Variants in ST8SIA2 observed in about 807,000 individuals in gnomAD.
The protein encoded by ST8SIA2 is ST8 alpha-N-acetyl-neuraminide alpha-2,8-sialyltransferase 2.
Under a neutral mutation model 37.6 loss-of-function variants are expected in ST8SIA2, and 22 were observed. The ratio of observed to expected loss-of-function variants is 0.58; its 90% CI spans 0.42 to 0.83. ST8SIA2 has a LOEUF of 0.83. Among genes scored for constraint, ST8SIA2 ranks in the 40% least tolerant of loss-of-function variants. The pLI is 0.00. For missense variants in ST8SIA2, 382 were observed against 484.7 expected, an observed-to-expected ratio of 0.79 and a Z score of 1.99; for synonymous variants, 205 against 201.2, an observed-to-expected ratio of 1.02 and a Z score of -0.16.
chr15:92,442,089 C>G (rs796203525), intron 4 of ST8SIA2, among the ~76,000 whole-genome samples: 1 of 152,224 alleles, frequency 6.6e-6, no homozygotes, highest in East Asian at 1.9e-4. Flanking sequence ...CCCTTCCTAA[C>G]GCCTCCTTCT....
intron 1 of ST8SIA2, among the ~76,000 whole-genome samples, chr15:92,411,595 TA>T (rs1424225128): frequency 1.3e-5 from 2 of 152,128 alleles, no homozygotes; most frequent in Non-Finnish European, 2.9e-5. Context: ...GAAGACAATT[TA>T]AAAATTATTA....
intron 5 of ST8SIA2, among the ~76,000 whole-genome samples, chr15:92,450,244 A>G (rs1012924217): frequency 6.6e-6 from 1 of 152,236 alleles, no homozygotes; most frequent in African/African-American, 2.4e-5. Flanking sequence ...CTTACAGCTC[A>G]ACAACAAAAA....
chr15:92,417,870 G>A (rs1251703712), intron 1 of ST8SIA2, among the ~76,000 whole-genome samples: 2 of 152,122 alleles, frequency 1.3e-5, no homozygotes, highest in East Asian at 1.9e-4. Context: ...TAATGTGAGC[G>A]GAGAGTCTAG....
intron 2 of ST8SIA2, among the ~76,000 whole-genome samples, chr15:92,431,267 T>C (rs1050880902): frequency 1.3e-5 from 2 of 152,144 alleles, no homozygotes; most frequent in Admixed American, 6.5e-5. Context: ...GAATCAAGTA[T>C]GAGAAGTGGA....
intron 1 of ST8SIA2, among the ~76,000 whole-genome samples, chr15:92,404,884 A>T (rs2049496690): frequency 6.6e-6 from 1 of 151,856 alleles, no homozygotes; most frequent in African/African-American, 2.4e-5. Context: ...ATATTTGTAC[A>T]CCCATGTTCA....
intron 2 of ST8SIA2, among the ~76,000 whole-genome samples, chr15:92,431,775 G>C (rs75902835): frequency 0.013 from 1,976 of 152,264 alleles, 32 homozygotes; most frequent in South Asian, 0.024. Flanking sequence ...CAGATAAGAA[G>C]GCAGAGTCTA....
chr15:92,427,479 G>A (rs895149363), intron 1 of ST8SIA2, among the ~76,000 whole-genome samples: 1 of 152,040 alleles, frequency 6.6e-6, no homozygotes, highest in Non-Finnish European at 1.5e-5. Context: ...CTGGGTTTGG[G>A]TTTGTTGAGG....
At chr15:92,440,599 C>T (rs966001688) in intron 4 of ST8SIA2, among the ~76,000 whole-genome samples, 3 of 152,178 alleles carry the variant, frequency 2.0e-5, no homozygotes, top group African/African-American at 7.2e-5. Context: ...GAAACTCCCA[C>T]GTGTCTCTGG....
chr15:92,407,669 G>T (rs1388894684), intron 1 of ST8SIA2, among the ~76,000 whole-genome samples: 1 of 152,170 alleles, frequency 6.6e-6, no homozygotes, highest in Non-Finnish European at 1.5e-5. Context: ...GAGAGGGAAG[G>T]CCTCTAGGGG....
At position 92,445,797 on chromosome 15, in the gene ST8SIA2, C is replaced by T. The variant is rs888016261; in HGVS notation, c.842+868C>T. Among the ~76,000 whole-genome samples the T allele has an allele frequency of 9.9e-5, 15 of 152,096 alleles. No individual in the cohort carries two copies. In the East Asian group the frequency reaches 2.9e-3, roughly 29 times the overall value. ...ATGTTGAGGAGGGTCTGAACTATTCCTATCAAGAAGTCCATGTCAACCTGG... is the reference window on the plus strand; with the variant it reads ...ATGTTGAGGAGGGTCTGAACTATTCTTATCAAGAAGTCCATGTCAACCTGG... On this transcript the variant is annotated intron_variant, in intron 5 of 5. Coordinates refer to ENST00000268164, the MANE Select transcript of ST8SIA2 (RefSeq NM_006011.4).
chr15:92,440,925 T>G (rs2049796998), intron 4 of ST8SIA2, among the ~76,000 whole-genome samples: 1 of 152,176 alleles, frequency 6.6e-6, no homozygotes, highest in Non-Finnish European at 1.5e-5. Context: ...ATGGACTCTG[T>G]CTCCACTCCA....
chr15:92,406,483 C>A (rs916953638), intron 1 of ST8SIA2, among the ~76,000 whole-genome samples: 1 of 152,198 alleles, frequency 6.6e-6, no homozygotes, highest in Non-Finnish European at 1.5e-5. Flanking sequence ...CTCCTCCAAA[C>A]CCTAGACCTG....
intron 5 of ST8SIA2, among the ~76,000 whole-genome samples, chr15:92,460,809 T>TG (rs2049952010): frequency 6.6e-6 from 1 of 152,194 alleles, no homozygotes; most frequent in South Asian, 2.1e-4. Flanking sequence ...AACAAGGACT[T>TG]GGGGTCAGAA....
intron 4 of ST8SIA2, among the ~76,000 whole-genome samples, chr15:92,443,656 C>T (rs1242514863): frequency 2.6e-5 from 4 of 152,108 alleles, no homozygotes; most frequent in Non-Finnish European, 4.4e-5. Context: ...CTTGCCTCCC[C>T]AAGCCCATCT....
intron 2 of ST8SIA2, among the ~76,000 whole-genome samples, chr15:92,433,530 G>C (rs1215543729): frequency 6.6e-6 from 1 of 152,198 alleles, no homozygotes; most frequent in Non-Finnish European, 1.5e-5. Flanking sequence ...CCAGAATCGT[G>C]ATCCACCCAG....
intron 1 of ST8SIA2, among the ~76,000 whole-genome samples, chr15:92,398,322 G>T (rs1226830567): frequency 6.6e-6 from 1 of 152,162 alleles, no homozygotes; most frequent in East Asian, 1.9e-4. Flanking sequence ...GCTTGCACAG[G>T]TCTCCTCTTT....
chr15:92,413,360 C>T (rs1186355109), intron 1 of ST8SIA2, among the ~76,000 whole-genome samples: 2 of 152,192 alleles, frequency 1.3e-5, no homozygotes, highest in African/African-American at 2.4e-5. Context: ...CTTCACAGTT[C>T]ACCCTTCTGA....
intron 4 of ST8SIA2, among the ~76,000 whole-genome samples, chr15:92,444,122 C>A (rs1280126596): frequency 6.6e-6 from 1 of 152,150 alleles, no homozygotes; most frequent in Non-Finnish European, 1.5e-5. Context: ...TATAGCAATT[C>A]TTTTAATCCT....
chr15:92,460,798 G>C (rs567284050), intron 5 of ST8SIA2, among the ~76,000 whole-genome samples: 1 of 152,348 alleles, frequency 6.6e-6, no homozygotes, highest in African/African-American at 2.4e-5. Flanking sequence ...GAAGGTGAAA[G>C]AACAAGGACT....
Sources: allele counts gnomAD v4.1 joint callset (sites outside exome capture counted in the v4.1 genomes callset), GRCh38; gene constraint gnomAD v4.1.1; transcripts MANE v1.5; gene names NCBI Gene and HGNC (gene_info 2026-07-23, HGNC 2026-07-21).